Variants in BMP7 observed in about 807,000 individuals in gnomAD.
BMP7 encodes osteogenic protein 1.
Under a neutral mutation model 41.2 loss-of-function variants are expected in BMP7, and 12 were observed. That is an observed-to-expected ratio of 0.29 (90% CI 0.19 to 0.47). The LOEUF (loss-of-function observed/expected upper bound fraction) is 0.47. BMP7 is among the 20% of genes least tolerant of loss of function. BMP7 has a pLI of 0.99. For missense variants in BMP7, 467 were observed against 606.0 expected (o/e 0.77, Z 2.41); for synonymous variants, 248 against 250.0 (o/e 0.99, Z 0.07).
At chr20:57,222,855 GAA>G (rs1985221742) in intron 2 of BMP7, among the ~76,000 whole-genome samples, 1 of 20,404 alleles carries the variant, frequency 4.9e-5, no homozygotes, top group African/African-American at 6.0e-4. Context: ...GAAGCTTCCA[GAA>G]GCTTCCAGAA....
intron 2 of BMP7, 127 bp from the exon 3 acceptor site, chr20:57,202,750 T>A: frequency 8.4e-7 from 1 of 1,189,856 alleles, no homozygotes; most frequent in Non-Finnish European, 1.2e-6. Flanking sequence ...CCCCGACAAG[T>A]GGGAACATCA....
chr20:57,186,635 T>C (rs1984217367), intron 3 of BMP7, among the ~76,000 whole-genome samples: 1 of 152,124 alleles, frequency 6.6e-6, no homozygotes, highest in Non-Finnish European at 1.5e-5. Flanking sequence ...GCTGAGCCTC[T>C]GCAGATACGG....
intron 1 of BMP7, among the ~76,000 whole-genome samples, chr20:57,238,496 G>T (rs1219837242): frequency 6.6e-6 from 1 of 152,074 alleles, no homozygotes; most frequent in Non-Finnish European, 1.5e-5. Flanking sequence ...TCACATTGTA[G>T]CTCTATTTTC....
At chr20:57,179,666 C>G (rs577389268) in intron 4 of BMP7, among the ~76,000 whole-genome samples, 243 of 152,356 alleles carry the variant, frequency 1.6e-3, no homozygotes, top group African/African-American at 5.6e-3. Context: ...AGCCCAAAAC[C>G]GGGGGGACGA....
At chr20:57,245,067 A>C (rs1342154673) in intron 1 of BMP7, among the ~76,000 whole-genome samples, 2 of 151,886 alleles carry the variant, frequency 1.3e-5, no homozygotes, top group Non-Finnish European at 2.9e-5. Context: ...TTAAAGCCAC[A>C]CTCTGTCCCT....
At chr20:57,265,635 G>T (rs757356956) in intron 1 of BMP7, 70 bp downstream of exon 1, 1 of 1,546,052 alleles carries the variant, frequency 6.5e-7, no homozygotes, top group Admixed American at 1.9e-5. Context: ...CATAGAAGAA[G>T]CGGCTCCCTC....
At chr20:57,257,139 C>T (rs917247325) in intron 1 of BMP7, among the ~76,000 whole-genome samples, 5 of 152,096 alleles carry the variant, frequency 3.3e-5, no homozygotes, top group Admixed American at 1.3e-4. Flanking sequence ...CCTGAACCCA[C>T]GATAGAGCTA....
chr20:57,226,064 C>A, intron 2 of BMP7: 1 of 426,294 alleles, frequency 2.3e-6, no homozygotes, highest in South Asian at 1.7e-5. Context: ...TGCCGGCAGC[C>A]TGGCAGGGAG....
intron 2 of BMP7, among the ~76,000 whole-genome samples, chr20:57,223,161 T>C (rs4811826): frequency 0.059 from 8,838 of 149,316 alleles, 514 homozygotes; most frequent in East Asian, 0.29. Context: ...ACTTGAGAGG[T>C]GGAGGTTGCA....
chr20:57,192,159 CATAG>C (rs1984378024), intron 3 of BMP7, among the ~76,000 whole-genome samples: 1 of 120,836 alleles, frequency 8.3e-6, no homozygotes, highest in Admixed American at 9.7e-5. Context: ...TATAGTTATA[CATAG>C]ATATATAATA....
chr20:57,196,014 C>A (rs1984483093), intron 3 of BMP7, among the ~76,000 whole-genome samples: 1 of 152,170 alleles, frequency 6.6e-6, no homozygotes, highest in Non-Finnish European at 1.5e-5. Flanking sequence ...ATGAGGCAGA[C>A]AAGGGCTCCC....
intron 1 of BMP7, among the ~76,000 whole-genome samples, chr20:57,248,912 C>T (rs916429834): frequency 6.6e-6 from 1 of 152,088 alleles, no homozygotes; most frequent in South Asian, 2.1e-4. Flanking sequence ...CATTCTCCTG[C>T]CTCAGCCTCC....
chr20:57,227,653 G>C (rs2066012641), intron 2 of BMP7, among the ~76,000 whole-genome samples: 1 of 152,174 alleles, frequency 6.6e-6, no homozygotes, highest in Non-Finnish European at 1.5e-5. Flanking sequence ...TGAATAGAAT[G>C]CACCTGCTAA....
chr20:57,249,199 G>A (rs1324067083), intron 1 of BMP7, among the ~76,000 whole-genome samples: 1 of 152,062 alleles, frequency 6.6e-6, no homozygotes, highest in African/African-American at 2.4e-5. Flanking sequence ...CTGTCCCAGA[G>A]GGTGTTATAG....
chr20:57,186,846 G>A (rs542578696), intron 3 of BMP7, among the ~76,000 whole-genome samples: 2 of 152,264 alleles, frequency 1.3e-5, no homozygotes, highest in South Asian at 2.1e-4. Context: ...CCCACCCGCC[G>A]CTATTTTACC....
intron 4 of BMP7, among the ~76,000 whole-genome samples, chr20:57,179,666 C>CG (rs919727319): frequency 6.6e-6 from 1 of 152,238 alleles, no homozygotes; most frequent in Non-Finnish European, 1.5e-5. Flanking sequence ...AGCCCAAAAC[C>CG]GGGGGGACGA....
At chr20:57,204,364 T>C (rs1984687947) in intron 2 of BMP7, among the ~76,000 whole-genome samples, 1 of 152,238 alleles carries the variant, frequency 6.6e-6, no homozygotes, top group African/African-American at 2.4e-5. Flanking sequence ...TAGATCACCC[T>C]TCTGCTGCAT....
In BMP7 at chr20:57,228,093, C is replaced by T. The variant is rs7352741; in HGVS notation, c.611+136G>A. 405,741 of 1,021,864 alleles carry T rather than the reference C, an allele frequency of 0.4. 86,691 individuals are homozygous for T. Among genetic ancestry groups the T allele is most frequent in the Middle Eastern group, 0.46 (1,504 of 3,286 alleles). 63.3% of individuals were successfully genotyped at this position (1,021,864 alleles called of 1,614,324 possible). A position where few individuals can be genotyped will look rare whatever the true frequency, so the allele number is the denominator to read the frequency against. On this transcript the variant is annotated intron_variant, in intron 2 of 6. Coordinates refer to ENST00000395863, the MANE Select transcript of BMP7 (RefSeq NM_001719.3). This position sits in a 1 kb window ranked among gnomAD's most constrained non-coding sequence, Gnocchi z 4.5. ...GGAAGTGACATACACCATACACCTT[C>T]TTTAGAAGGGATAATCTGGTACAGG...
At chr20:57,256,126 A>G (rs1398073411) in intron 1 of BMP7, among the ~76,000 whole-genome samples, 1 of 152,250 alleles carries the variant, frequency 6.6e-6, no homozygotes, top group Non-Finnish European at 1.5e-5. Context: ...GGAAGCCTCC[A>G]GAACATCAGT....
Sources: allele counts gnomAD v4.1 joint callset (sites outside exome capture counted in the v4.1 genomes callset), GRCh38; gene constraint gnomAD v4.1.1; non-coding constraint Gnocchi (gnomAD v3.1); transcripts MANE v1.5; gene names NCBI Gene and HGNC (gene_info 2026-07-23, HGNC 2026-07-21).